MAN1A1: variants seen among roughly 807,000 people sequenced by gnomAD.
The protein encoded by MAN1A1 is mannosyl-oligosaccharide 1,2-alpha-mannosidase IA.
MAN1A1 carries 29 observed loss-of-function variants against 70.8 expected under a neutral mutation model. The ratio of observed to expected loss-of-function variants is 0.41; its 90% CI spans 0.31 to 0.56. The LOEUF (loss-of-function observed/expected upper bound fraction) is 0.56, where lower values mean the gene tolerates loss of function less well. MAN1A1 is among the 20% of genes least tolerant of loss of function. The pLI is 0.29. For missense variants in MAN1A1, 747 were observed against 841.3 expected (o/e 0.89, Z 1.39); for synonymous variants, 349 against 330.1 (o/e 1.06, Z -0.62).
chr6:119,345,196 G>A (rs199733387), intron 2 of MAN1A1, among the ~76,000 whole-genome samples: 2,609 of 123,306 alleles, frequency 0.021, 72 homozygotes, highest in East Asian at 0.093. Context: ...GGTTGAGGGG[G>A]GGGCGGAGCG....
chr6:119,319,706 T>C (rs1772954789), intron 2 of MAN1A1, among the ~76,000 whole-genome samples: 1 of 152,202 alleles, frequency 6.6e-6, no homozygotes, highest in Non-Finnish European at 1.5e-5. Flanking sequence ...AATATAGATA[T>C]ATTTACCCCA....
At chr6:119,206,378 G>A (rs1445044326) in intron 6 of MAN1A1, among the ~76,000 whole-genome samples, 1 of 152,094 alleles carries the variant, frequency 6.6e-6, no homozygotes, top group Non-Finnish European at 1.5e-5. Flanking sequence ...TCCTGTCCTG[G>A]CGTCTGCTGC....
At chr6:119,267,023 AAAC>A (rs1425505436) in intron 5 of MAN1A1, among the ~76,000 whole-genome samples, 3 of 152,238 alleles carry the variant, frequency 2.0e-5, no homozygotes, top group Admixed American at 6.5e-5. Flanking sequence ...ATGCAAATGA[AAAC>A]AACAAGATAC....
At chr6:119,192,145 A>G (rs9372524) in intron 9 of MAN1A1, among the ~76,000 whole-genome samples, 108,453 of 152,050 alleles carry the variant, frequency 0.71, 40,993 homozygotes, top group Non-Finnish European at 0.83. Flanking sequence ...TTCAAATAAT[A>G]TTTTAAAGCT....
intron 5 of MAN1A1, among the ~76,000 whole-genome samples, chr6:119,281,354 G>A (rs572888547): frequency 5.3e-5 from 8 of 152,140 alleles, no homozygotes; most frequent in African/African-American, 1.9e-4. Flanking sequence ...GTCAGTGGTC[G>A]CTGTGGTGGT....
At chr6:119,341,244 T>C (rs894143711) in intron 2 of MAN1A1, among the ~76,000 whole-genome samples, 4 of 152,106 alleles carry the variant, frequency 2.6e-5, no homozygotes, top group Non-Finnish European at 1.5e-5. Flanking sequence ...GCAAAGGAAT[T>C]AGCCAGTATT....
intron 5 of MAN1A1, among the ~76,000 whole-genome samples, chr6:119,268,501 C>A (rs1352723435): frequency 3.9e-5 from 6 of 152,102 alleles, no homozygotes; most frequent in Non-Finnish European, 7.4e-5. Context: ...ACAGATGGCC[C>A]ACTCAGAAGG....
intron 8 of MAN1A1, among the ~76,000 whole-genome samples, chr6:119,198,186 C>T (rs946088003): frequency 3.3e-5 from 5 of 152,132 alleles, no homozygotes; most frequent in African/African-American, 1.2e-4. Context: ...GTCAGGAGTT[C>T]GAGACCAGCC....
chr6:119,210,448 T>C lies in MAN1A1; in HGVS notation c.993-5566A>G, dbSNP rs537257153. 5.3e-5 allele frequency among the ~76,000 whole-genome samples: 8 copies of C among 152,308 alleles called. No homozygotes were observed. The South Asian group carries it at 1.7e-3, about 32-fold the overall frequency. On this transcript the variant is annotated intron_variant, in intron 6 of 12. Coordinates refer to ENST00000368468, the MANE Select transcript of MAN1A1 (RefSeq NM_005907.4). ...CACTTAAAAAAAAATCAGTCCTACA[T>C]GCTGCTTTAAATATATACTGCATTT...
intron 5 of MAN1A1, among the ~76,000 whole-genome samples, chr6:119,262,165 A>T (rs1775630616): frequency 6.6e-6 from 1 of 152,216 alleles, no homozygotes; most frequent in Non-Finnish European, 1.5e-5. Context: ...TTCAGCACTA[A>T]ACAAATACAG....
chr6:119,201,616 C>T (rs577441203), intron 7 of MAN1A1, among the ~76,000 whole-genome samples: 8 of 152,224 alleles, frequency 5.3e-5, no homozygotes, highest in East Asian at 3.9e-4. Flanking sequence ...CCTAGTGGGA[C>T]GGGACAGACA....
chr6:119,186,898 T>G (rs1555054), intron 11 of MAN1A1, among the ~76,000 whole-genome samples: 101,456 of 151,866 alleles, frequency 0.67, 34,118 homozygotes, highest in East Asian at 0.78. Context: ...CTAGCAGAGG[T>G]TACTGGGGGC....
intron 5 of MAN1A1, among the ~76,000 whole-genome samples, chr6:119,270,969 A>ATC (rs1315948987): frequency 6.6e-6 from 1 of 152,210 alleles, no homozygotes; most frequent in Non-Finnish European, 1.5e-5. Context: ...ACTTCTTAGC[A>ATC]TCTTCTTTCC....
intron 6 of MAN1A1, among the ~76,000 whole-genome samples, chr6:119,230,756 T>A (rs1444352316): frequency 6.6e-6 from 1 of 152,128 alleles, no homozygotes; most frequent in Non-Finnish European, 1.5e-5. Flanking sequence ...TATGAACATT[T>A]TTTTGTTTTA....
intron 2 of MAN1A1, among the ~76,000 whole-genome samples, chr6:119,345,147 T>C (rs1773692898): frequency 7.3e-6 from 1 of 136,480 alleles, no homozygotes; most frequent in Non-Finnish European, 1.5e-5. Context: ...AAGGTTCTAA[T>C]CCTAAAGGAC....
intron 4 of MAN1A1, among the ~76,000 whole-genome samples, chr6:119,298,204 C>T (rs1028435810): frequency 7.2e-5 from 11 of 152,112 alleles, no homozygotes; most frequent in African/African-American, 1.9e-4. Flanking sequence ...GGGTTTTCTG[C>T]TAATATCTAT....
chr6:119,335,772 A>C (rs1773434755), intron 2 of MAN1A1, among the ~76,000 whole-genome samples: 1 of 152,204 alleles, frequency 6.6e-6, no homozygotes, highest in Non-Finnish European at 1.5e-5. Context: ...ACAAGGTGAA[A>C]TCCTAAACGA....
chr6:119,331,605 G>T (rs1773318080), intron 2 of MAN1A1, among the ~76,000 whole-genome samples: 2 of 86,716 alleles, frequency 2.3e-5, no homozygotes, highest in Non-Finnish European at 2.7e-5. Context: ...ATATAATCAA[G>T]GGGATATAAA....
chr6:119,243,118 A>G (rs955587866), intron 6 of MAN1A1, among the ~76,000 whole-genome samples: 1 of 152,130 alleles, frequency 6.6e-6, no homozygotes, highest in Admixed American at 6.6e-5. Context: ...AATAAAACAT[A>G]AAGTGTAAGA....
Sources: allele counts gnomAD v4.1 joint callset (sites outside exome capture counted in the v4.1 genomes callset), GRCh38; gene constraint gnomAD v4.1.1; transcripts MANE v1.5; gene names NCBI Gene and HGNC (gene_info 2026-07-23, HGNC 2026-07-21).